The following HECTD2 variants were observed in gnomAD, a reference collection of about 807,000 sequenced individuals.
HECTD2 encodes the protein HECT domain E3 ubiquitin protein ligase 2.
Under a neutral mutation model 103.2 loss-of-function variants are expected in HECTD2, and 35 were observed. The observed-to-expected ratio is 0.34, with a 90% CI of 0.26 to 0.45. The LOEUF (loss-of-function observed/expected upper bound fraction) is 0.45, where lower values mean the gene tolerates loss of function less well. Ranked by LOEUF, HECTD2 falls within the 20% of genes least tolerant of loss-of-function variation. The pLI is 1.00. For synonymous variants in HECTD2, 281 were observed against 329.9 expected (o/e 0.85, Z 1.61); for missense variants, 596 against 937.4 (o/e 0.64, Z 4.76).
chr10:91,481,199 A>G, intron 7 of HECTD2, 60 bp downstream of exon 7: 1 of 740,060 alleles, frequency 1.4e-6, no homozygotes, highest in Admixed American at 2.9e-5. Context: ...CTACATGTGT[A>G]TGTGAAATGA....
At chr10:91,437,479 AT>A (rs1451599185) in intron 2 of HECTD2, among the ~76,000 whole-genome samples, 4 of 152,072 alleles carry the variant, frequency 2.6e-5, no homozygotes, top group African/African-American at 4.8e-5. Flanking sequence ...ACTTTTGTTG[AT>A]TAGCAAGGAG....
intron 2 of HECTD2, among the ~76,000 whole-genome samples, chr10:91,426,847 G>A (rs2133040770): frequency 6.6e-6 from 1 of 151,272 alleles, no homozygotes; most frequent in Admixed American, 6.6e-5. Flanking sequence ...TTGAACTTGG[G>A]GTATTTTTTT....
chr10:91,425,133 A>G (rs754153928), intron 1 of HECTD2, 148 bp from the exon 2 acceptor site: 9 of 569,394 alleles, frequency 1.6e-5, no homozygotes, highest in Non-Finnish European at 2.2e-5. Context: ...GTTAAGTCCT[A>G]GAAAAGGTAA....
intron 2 of HECTD2, among the ~76,000 whole-genome samples, chr10:91,441,906 TTC>T (rs1844407214): frequency 3.9e-5 from 5 of 127,106 alleles, no homozygotes; most frequent in African/African-American, 1.7e-4. Context: ...TTTTTTTTTT[TTC>T]TTTTTTTTTT....
At chr10:91,511,305 C>A (rs1847410710) in intron 20 of HECTD2, among the ~76,000 whole-genome samples, 1 of 152,098 alleles carries the variant, frequency 6.6e-6, no homozygotes, top group Admixed American at 6.6e-5. Flanking sequence ...GGGGAGATGA[C>A]ACCAAAAGGA....
At chr10:91,425,079 A>G (rs1053357090) in intron 1 of HECTD2, among the ~76,000 whole-genome samples, 1 of 152,058 alleles carries the variant, frequency 6.6e-6, no homozygotes, top group Non-Finnish European at 1.5e-5. Context: ...AAACTTCTCA[A>G]TTTGTAATTG....
intron 2 of HECTD2, among the ~76,000 whole-genome samples, chr10:91,437,699 T>A (rs943848987): frequency 1.7e-4 from 25 of 150,936 alleles, no homozygotes; most frequent in African/African-American, 5.6e-4. Context: ...AAGGTAGAAA[T>A]TCATAATTAA....
At chr10:91,447,714 AAAAAAG>A (rs1289398674) in intron 2 of HECTD2, among the ~76,000 whole-genome samples, 18 of 73,578 alleles carry the variant, frequency 2.4e-4, no homozygotes, top group East Asian at 8.4e-4. Flanking sequence ...AAAAAAGAAA[AAAAAAG>A]AAAAAAAAAA....
intron 1 of HECTD2, among the ~76,000 whole-genome samples, chr10:91,418,481 A>G (rs1368211646): frequency 6.6e-6 from 1 of 151,994 alleles, no homozygotes; most frequent in Middle Eastern, 3.2e-3. Context: ...CCACATCCTT[A>G]TTTCCTAGTC....
intron 1 of HECTD2, among the ~76,000 whole-genome samples, chr10:91,412,105 G>A (rs1215531136): frequency 3.9e-5 from 6 of 152,152 alleles, no homozygotes; most frequent in East Asian, 3.9e-4. Flanking sequence ...AAGGTAATTC[G>A]GTACATATAT....
At chr10:91,427,001 T>TC (rs1312303140) in intron 2 of HECTD2, among the ~76,000 whole-genome samples, 1 of 75,606 alleles carries the variant, frequency 1.3e-5, no homozygotes, top group East Asian at 5.0e-4. Context: ...CCCTCCCCCC[T>TC]CCCCCCACCC....
intron 2 of HECTD2, among the ~76,000 whole-genome samples, chr10:91,449,570 A>G (rs1209505981): frequency 6.6e-6 from 1 of 152,196 alleles, no homozygotes; most frequent in Non-Finnish European, 1.5e-5. Context: ...AGAGAAATAA[A>G]GGACATTTAA....
intron 11 of HECTD2, chr10:91,488,701 A>T (rs1229228759): frequency 6.6e-6 from 1 of 152,218 alleles, no homozygotes; most frequent in Non-Finnish European, 1.5e-5. Flanking sequence ...TCAGTAATTC[A>T]GTTCCCAGAA....
At chr10:91,494,049 T>C (rs1846574216) in intron 14 of HECTD2, among the ~76,000 whole-genome samples, 1 of 152,092 alleles carries the variant, frequency 6.6e-6, no homozygotes, top group South Asian at 2.1e-4. Flanking sequence ...ATGATTCCTA[T>C]CAGGTATATT....
intron 2 of HECTD2, among the ~76,000 whole-genome samples, chr10:91,435,332 C>A (rs1477939576): frequency 6.6e-6 from 1 of 151,912 alleles, no homozygotes; most frequent in Non-Finnish European, 1.5e-5. Context: ...CAGAAAGACT[C>A]CTCCAACTGT....
At chr10:91,508,498 G>C (rs1486896100) in intron 20 of HECTD2, among the ~76,000 whole-genome samples, 1 of 151,326 alleles carries the variant, frequency 6.6e-6, no homozygotes, top group Non-Finnish European at 1.5e-5. Context: ...GAAGACATTT[G>C]TGCAGCCAAA....
At chr10:91,440,546 G>A (rs1316208889) in intron 2 of HECTD2, among the ~76,000 whole-genome samples, 2 of 148,746 alleles carry the variant, frequency 1.3e-5, no homozygotes, top group African/African-American at 5.0e-5. Flanking sequence ...TTCTTTTTTT[G>A]TTGTGTCTCC....
rs536256555 is a variant in HECTD2, at chr10:91,490,822, C to T, written c.1192-378C>T. ...AGGAGAATGGCATGAACCCAAGAGG[C>T]GGAGCTTGCAGTGAGCCGGGATAGC... On this transcript the variant is annotated intron_variant, in intron 11 of 20. Transcript: ENST00000298068. Among the ~76,000 whole-genome samples, 42 of 127,460 alleles carry T rather than the reference C, an allele frequency of 3.3e-4. No homozygotes were observed. The East Asian group carries it at 9.1e-3, about 28-fold the overall frequency. The allele number at this position is 127,460 out of a possible 152,430, so 83.6% of individuals were successfully genotyped here. A position where few individuals can be genotyped will look rare whatever the true frequency, so the allele number is the denominator to read the frequency against.
At position 91,411,016 on chromosome 10, in the gene HECTD2, C is replaced by G. The variant is rs531868188; in HGVS notation, c.138+440C>G. On this transcript the variant is annotated intron_variant, in intron 1 of 20. Coordinates refer to ENST00000298068, the MANE Select transcript of HECTD2 (RefSeq NM_182765.6). The stretch of plus-strand genomic sequence containing the variant: ...TTTTCTTCGCTTTTCTTTCCCTTCC[C>G]CCTTCAGATTAAACAGGCTCTGCGG... Among the ~76,000 whole-genome samples, 45 of 152,280 alleles carry G rather than the reference C, an allele frequency of 3.0e-4. No homozygotes were observed. In the East Asian group the frequency reaches 7.3e-3, roughly 25 times the overall value.
Sources: allele counts gnomAD v4.1 joint callset (sites outside exome capture counted in the v4.1 genomes callset), GRCh38; gene constraint gnomAD v4.1.1; transcripts MANE v1.5; gene names NCBI Gene and HGNC (gene_info 2026-07-23, HGNC 2026-07-21).